FGGY: variants seen among roughly 807,000 people sequenced by gnomAD.
FGGY encodes the protein FGGY carbohydrate kinase domain containing, also known as FGGY carbohydrate kinase domain-containing protein.
A neutral mutation model predicts 71.3 loss-of-function variants in FGGY; 72 were observed. That is an observed-to-expected ratio of 1.01 (90% confidence interval 0.84 to 1.23). The LOEUF (loss-of-function observed/expected upper bound fraction) is 1.23, where lower values mean the gene tolerates loss of function less well. Ranked by LOEUF, FGGY falls within the 50% of genes most tolerant of loss-of-function variation. The probability of loss-of-function intolerance (pLI) is 0.00; values close to 1 mark genes in which losing one functional copy is unlikely to be tolerated. For synonymous variants in FGGY, 251 were observed against 250.3 expected (o/e 1.00, Z -0.02); for missense variants, 668 against 682.3 (o/e 0.98, Z 0.23).
intron 14 of FGGY, among the ~76,000 whole-genome samples, chr1:59,702,323 T>A (rs1171335442): frequency 6.6e-6 from 1 of 152,196 alleles, no homozygotes; most frequent in Non-Finnish European, 1.5e-5. Context: ...TTCCAAATTC[T>A]GCCCATTATT....
intron 1 of FGGY, among the ~76,000 whole-genome samples, chr1:59,301,706 C>CTTTTTTT (rs34290988): frequency 4.9e-4 from 27 of 54,998 alleles, no homozygotes; most frequent in African/African-American, 1.1e-3. Flanking sequence ...TGTGATCATT[C>CTTTTTTT]TTTTTTTTTT....
chr1:59,751,810 G>C lies in FGGY; in HGVS notation c.1513-6121G>C, dbSNP rs115867474. ...TTTCTTGTTTACTTGAATCTGAATG[G>C]TGAACTGGTGATAATTATCTCCATC... On this transcript the variant is annotated intron_variant, in intron 14 of 15. Coordinates refer to ENST00000303721, the MANE Select transcript of FGGY (RefSeq NM_018291.5). 4.6e-3 allele frequency among the ~76,000 whole-genome samples: 695 copies of C among 152,302 alleles called. 5 individuals are homozygous for C. Among genetic ancestry groups the C allele is most frequent in the African/African-American group, 0.015 (627 of 41,562 alleles).
At chr1:59,463,394 C>T (rs2092391767) in intron 6 of FGGY, among the ~76,000 whole-genome samples, 1 of 152,162 alleles carries the variant, frequency 6.6e-6, no homozygotes, top group African/African-American at 2.4e-5. Flanking sequence ...CCAGTACCAG[C>T]CACTGCAAAA....
chr1:59,382,762 A>C (rs544319931), intron 5 of FGGY, among the ~76,000 whole-genome samples: 1 of 152,276 alleles, frequency 6.6e-6, no homozygotes, highest in East Asian at 1.9e-4. Flanking sequence ...TTGGCCTGCA[A>C]ATCCAGAGGA....
chr1:59,504,384 T>C (rs1339428901), intron 6 of FGGY, among the ~76,000 whole-genome samples: 3 of 149,346 alleles, frequency 2.0e-5, no homozygotes, highest in East Asian at 1.9e-4. Flanking sequence ...GTTGTGGAAG[T>C]TGGACTTGCC....
intron 6 of FGGY, among the ~76,000 whole-genome samples, chr1:59,491,215 G>A (rs541849387): frequency 1.5e-5 from 2 of 129,752 alleles, no homozygotes; most frequent in South Asian, 5.1e-4. Context: ...TGTGTTTTTT[G>A]TGGTTCCATA....
At chr1:59,466,694 C>T (rs951113419) in intron 6 of FGGY, among the ~76,000 whole-genome samples, 28 of 152,032 alleles carry the variant, frequency 1.8e-4, no homozygotes, top group African/African-American at 6.3e-4. Flanking sequence ...AAGTGGGCAA[C>T]GGATATGAAC....
intron 9 of FGGY, among the ~76,000 whole-genome samples, chr1:59,619,546 C>G (rs116828622): frequency 6.6e-6 from 1 of 151,924 alleles, no homozygotes. Flanking sequence ...AAGGGAACAA[C>G]CAGTGTAAAG....
At chr1:59,416,508 C>T (rs1198355854) in intron 5 of FGGY, among the ~76,000 whole-genome samples, 3 of 152,182 alleles carry the variant, frequency 2.0e-5, no homozygotes, top group Non-Finnish European at 2.9e-5. Flanking sequence ...TAAATCATTT[C>T]ACCATATATC....
At chr1:59,430,040 C>T (rs939549654) in intron 5 of FGGY, among the ~76,000 whole-genome samples, 12 of 152,196 alleles carry the variant, frequency 7.9e-5, no homozygotes, top group African/African-American at 2.7e-4. Flanking sequence ...TTCCTGCCCC[C>T]TCCTCACACT....
chr1:59,527,305 GTGCCTAGCA>G (rs1302229745), intron 7 of FGGY, among the ~76,000 whole-genome samples: 2 of 152,158 alleles, frequency 1.3e-5, no homozygotes, highest in Non-Finnish European at 2.9e-5. Flanking sequence ...CTCCCTACTA[GTGCCTAGCA>G]CTTTATCTTT....
chr1:59,357,303 C>T (rs2054519111), intron 4 of FGGY, among the ~76,000 whole-genome samples: 1 of 152,126 alleles, frequency 6.6e-6, no homozygotes, highest in Admixed American at 6.5e-5. Context: ...AGTTGTTGGC[C>T]AGATACCTTG....
chr1:59,528,629 C>A (rs774717888), intron 7 of FGGY, among the ~76,000 whole-genome samples: 14 of 152,108 alleles, frequency 9.2e-5, no homozygotes, highest in Non-Finnish European at 1.8e-4. Context: ...TGTTACAGGT[C>A]CCTGGGCTGG....
At chr1:59,652,897 G>A (rs1051872662) in intron 11 of FGGY, among the ~76,000 whole-genome samples, 1 of 152,106 alleles carries the variant, frequency 6.6e-6, no homozygotes, top group Non-Finnish European at 1.5e-5. Context: ...TCTACTTTTG[G>A]TCTTTGATGA....
intron 1 of FGGY, among the ~76,000 whole-genome samples, chr1:59,299,865 C>A (rs190350795): frequency 6.6e-6 from 1 of 151,778 alleles, no homozygotes; most frequent in African/African-American, 2.4e-5. Context: ...AGCAGGAAAT[C>A]GGAATGAGTC....
At chr1:59,321,825 A>C in intron 2 of FGGY, 75 bp downstream of exon 2, 1 of 1,463,132 alleles carries the variant, frequency 6.8e-7, no homozygotes, top group Non-Finnish European at 9.3e-7. Flanking sequence ...CTGGTGCCGT[A>C]AACAATGTTG....
intron 9 of FGGY, among the ~76,000 whole-genome samples, chr1:59,612,287 C>T (rs911697028): frequency 1.3e-5 from 2 of 152,222 alleles, no homozygotes; most frequent in East Asian, 3.9e-4. Flanking sequence ...ATCAGACTAA[C>T]AGCTGATCTC....
intron 15 of FGGY, 23 bp from the exon 16 acceptor site, chr1:59,762,480 A>G: frequency 6.3e-7 from 1 of 1,590,036 alleles, no homozygotes; most frequent in African/African-American, 1.3e-5. Context: ...AGATCATTCA[A>G]CATATTTATA....
At chr1:59,611,021 T>C (rs2096671461) in intron 9 of FGGY, among the ~76,000 whole-genome samples, 1 of 152,166 alleles carries the variant, frequency 6.6e-6, no homozygotes, top group African/African-American at 2.4e-5. Flanking sequence ...CTGGAAGCTC[T>C]AACTGGGTGG....
Sources: gnomAD v4.1 joint callset for allele counts (sites outside exome capture counted in the v4.1 genomes callset) on GRCh38, gnomAD v4.1.1 for gene constraint, MANE v1.5 for transcripts, NCBI Gene and HGNC (gene_info 2026-07-23, HGNC 2026-07-21) for gene names.